CNTN5: variants seen among roughly 807,000 people sequenced by gnomAD.
CNTN5 encodes contactin 5.
CNTN5 carries 77 observed loss-of-function variants against 129.1 expected under a neutral mutation model. The observed-to-expected ratio is 0.60, with a 90% CI of 0.50 to 0.72. CNTN5 has a LOEUF of 0.72. Among genes scored for constraint, CNTN5 ranks in the 30% least tolerant of loss-of-function variants. The pLI is 0.00. For synonymous variants in CNTN5, 509 were observed against 465.6 expected (o/e 1.09, Z -1.20); for missense variants, 1,478 against 1,328.8 (o/e 1.11, Z -1.75).
intron 15 of CNTN5, among the ~76,000 whole-genome samples, chr11:100,195,276 G>A (rs965633673): frequency 2.6e-5 from 4 of 151,896 alleles, no homozygotes; most frequent in Non-Finnish European, 1.5e-5. Context: ...AAAATAAATA[G>A]CCCCTCTTCT....
chr11:99,189,983 G>A (rs1230329822), intron 1 of CNTN5, among the ~76,000 whole-genome samples: 1 of 151,382 alleles, frequency 6.6e-6, no homozygotes, highest in Non-Finnish European at 1.5e-5. Context: ...ATATTGTCTA[G>A]ACCAATGTCA....
At chr11:99,630,769 C>CT (rs1951317989) in intron 3 of CNTN5, among the ~76,000 whole-genome samples, 1 of 152,132 alleles carries the variant, frequency 6.6e-6, no homozygotes, top group East Asian at 1.9e-4. Flanking sequence ...TGACCAATCT[C>CT]TTAATTATTT....
intron 3 of CNTN5, among the ~76,000 whole-genome samples, chr11:99,623,953 A>T (rs1951043060): frequency 6.6e-6 from 1 of 152,126 alleles, no homozygotes; most frequent in Non-Finnish European, 1.5e-5. Context: ...CTTGTAAATT[A>T]AGGGTGAGAA....
intron 2 of CNTN5, among the ~76,000 whole-genome samples, chr11:99,400,672 G>A (rs1941757336): frequency 6.6e-6 from 1 of 151,902 alleles, no homozygotes; most frequent in Admixed American, 6.6e-5. Context: ...CTCCAAAGTG[G>A]GTGTACTATT....
chr11:99,986,823 T>C (rs971077805), intron 8 of CNTN5, among the ~76,000 whole-genome samples: 1 of 152,038 alleles, frequency 6.6e-6, no homozygotes, highest in Non-Finnish European at 1.5e-5. Context: ...TTGCCAAAGC[T>C]AATGGGATAG....
At chr11:100,073,190 G>A (rs1039083140) in intron 12 of CNTN5, among the ~76,000 whole-genome samples, 1 of 151,736 alleles carries the variant, frequency 6.6e-6, no homozygotes, top group South Asian at 2.1e-4. Context: ...GAGACTACAG[G>A]CACCCACAGC....
intron 7 of CNTN5, among the ~76,000 whole-genome samples, chr11:99,942,924 C>T (rs534407651): frequency 7.1e-4 from 108 of 151,950 alleles, no homozygotes; most frequent in African/African-American, 2.5e-3. Flanking sequence ...GTATATGTAC[C>T]ACATTTTCTT....
intron 2 of CNTN5, among the ~76,000 whole-genome samples, chr11:99,357,503 A>C: frequency 6.7e-6 from 1 of 149,648 alleles, no homozygotes; most frequent in Non-Finnish European, 1.5e-5. Context: ...CCACACACAC[A>C]CTCTAAGGTT....
chr11:99,743,953 A>C (rs1318762263), intron 3 of CNTN5, among the ~76,000 whole-genome samples: 1 of 152,168 alleles, frequency 6.6e-6, no homozygotes, highest in Non-Finnish European at 1.5e-5. Flanking sequence ...ACTTAAACTA[A>C]AGCACAAAAA....
In CNTN5 at chr11:99,037,683, C is replaced by T. The variant is rs560230852; in HGVS notation, c.-210+16413C>T. Among the ~76,000 whole-genome samples the T allele has an allele frequency of 6.6e-4, 97 of 147,590 alleles. 1 individual carries two copies. Among genetic ancestry groups the T allele is most frequent in the African/African-American group, 2.4e-3 (97 of 39,980 alleles). Reference sequence around the variant, plus strand: ...GCAACCTCCATCTCTCAGGTTCAAGCAATTCTCTGCCTCAGCGTCCCAAGT... The same window carrying T: ...GCAACCTCCATCTCTCAGGTTCAAGTAATTCTCTGCCTCAGCGTCCCAAGT... On this transcript the variant is annotated intron_variant, in intron 1 of 24. Coordinates refer to ENST00000524871, the MANE Select transcript of CNTN5 (RefSeq NM_014361.4).
intron 1 of CNTN5, among the ~76,000 whole-genome samples, chr11:99,086,263 C>T (rs1412827942): frequency 6.6e-6 from 1 of 152,216 alleles, no homozygotes; most frequent in Non-Finnish European, 1.5e-5. Flanking sequence ...CTCACACACA[C>T]CCACACTCAA....
intron 16 of CNTN5, among the ~76,000 whole-genome samples, chr11:100,238,062 G>T (rs975998374): frequency 2.0e-5 from 3 of 152,262 alleles, no homozygotes; most frequent in South Asian, 2.1e-4. Flanking sequence ...TTATTTATGG[G>T]AGTGGAAAAG....
intron 13 of CNTN5, among the ~76,000 whole-genome samples, chr11:100,166,734 CT>C (rs72249196): frequency 0.12 from 18,949 of 151,702 alleles, 1,168 homozygotes; most frequent in African/African-American, 0.14. Flanking sequence ...GTGTTAATGA[CT>C]TTTAATTTGT....
chr11:99,794,728 T>G (rs980044740), intron 3 of CNTN5, among the ~76,000 whole-genome samples: 1 of 152,226 alleles, frequency 6.6e-6, no homozygotes, highest in Non-Finnish European at 1.5e-5. Context: ...ATTATTTTCT[T>G]TAACCATGCT....
In CNTN5 at chr11:99,981,694, A is replaced by G. The variant is rs538568868; in HGVS notation, c.878-20340A>G. Reference sequence around the variant, plus strand: ...ATGAGGAATTGGTGAAAATCCTAGAAGTTTTGTGATGTCTTCCTGGTCCTG... The same window carrying G: ...ATGAGGAATTGGTGAAAATCCTAGAGGTTTTGTGATGTCTTCCTGGTCCTG... On this transcript the variant is annotated intron_variant, in intron 8 of 24. Transcript: ENST00000524871. Among the ~76,000 whole-genome samples, 17 of 152,264 alleles carry G rather than the reference A, an allele frequency of 1.1e-4. No homozygotes were observed. The East Asian group carries it at 3.3e-3, about 29-fold the overall frequency.
At chr11:99,403,880 T>C (rs941729126) in intron 2 of CNTN5, among the ~76,000 whole-genome samples, 4 of 152,282 alleles carry the variant, frequency 2.6e-5, no homozygotes, top group East Asian at 1.9e-4. Context: ...ATTTTGTCTA[T>C]AGTCAAGATT....
chr11:100,012,995 A>G (rs12806144), intron 9 of CNTN5, among the ~76,000 whole-genome samples: 8 of 152,288 alleles, frequency 5.3e-5, no homozygotes, highest in African/African-American at 1.4e-4. Flanking sequence ...AACAGGATGT[A>G]AAGAATTACT....
intron 13 of CNTN5, among the ~76,000 whole-genome samples, chr11:100,156,789 G>T (rs544943169): frequency 1.3e-5 from 2 of 152,034 alleles, no homozygotes; most frequent in African/African-American, 4.8e-5. Flanking sequence ...TTGCCTAGAG[G>T]TATTTATAGA....
chr11:100,031,348 A>G (rs766459576), intron 9 of CNTN5, among the ~76,000 whole-genome samples: 5 of 152,182 alleles, frequency 3.3e-5, no homozygotes, highest in Non-Finnish European at 5.9e-5. Context: ...CCCTGCAGAG[A>G]GCCTATGAGT....
Sources: allele counts gnomAD v4.1 joint callset (sites outside exome capture counted in the v4.1 genomes callset), GRCh38; gene constraint gnomAD v4.1.1; transcripts MANE v1.5; gene names NCBI Gene and HGNC (gene_info 2026-07-23, HGNC 2026-07-21).